Variants in DTWD2 observed in about 807,000 individuals in gnomAD.
DTWD2 encodes tRNA-uridine aminocarboxypropyltransferase 2.
DTWD2 carries 39 observed loss-of-function variants against 31.8 expected under a neutral mutation model. The ratio of observed to expected loss-of-function variants is 1.22; its 90% CI spans 0.95 to 1.60. The LOEUF (loss-of-function observed/expected upper bound fraction) is 1.60, where lower values mean the gene tolerates loss of function less well. Ranked by LOEUF, DTWD2 falls within the 40% of genes most tolerant of loss-of-function variation. The pLI is 0.00. For synonymous variants in DTWD2, 180 were observed against 142.8 expected, an observed-to-expected ratio of 1.26 and a Z score of -1.86; for missense variants, 515 against 381.5, an observed-to-expected ratio of 1.35 and a Z score of -2.92.
chr5:118,937,339 T>C (rs1754065184), intron 3 of DTWD2, among the ~76,000 whole-genome samples: 1 of 149,106 alleles, frequency 6.7e-6, no homozygotes, highest in East Asian at 2.0e-4. Flanking sequence ...ATGTATTGTA[T>C]ACTTGAAAAC....
Position 118,836,290 on chromosome 5 carries a change from G to C in DTWD2, c.*4627C>G, listed in dbSNP as rs1052073448. Reference sequence around the variant, plus strand: ...CTGTCTCACTCTGTCGCCCAGGCTAGAGTGCAGTGGTACATCTCAGCTCAC... The same window carrying C: ...CTGTCTCACTCTGTCGCCCAGGCTACAGTGCAGTGGTACATCTCAGCTCAC... On this transcript the variant is annotated 3_prime_UTR_variant, in exon 6 of 6. Coordinates refer to ENST00000510708, the MANE Select transcript of DTWD2 (RefSeq NM_173666.4). 3.3e-5 allele frequency among the ~76,000 whole-genome samples: 5 copies of C among 152,018 alleles called. No homozygotes were observed. The highest frequency in any genetic ancestry group is 9.7e-5 in the African/African-American group (4 of 41,376).
chr5:118,856,584 G>C (rs145110993), intron 4 of DTWD2, among the ~76,000 whole-genome samples: 19 of 152,164 alleles, frequency 1.2e-4, no homozygotes, highest in African/African-American at 4.3e-4. Context: ...TTCCAAAGTA[G>C]TTACATTATA....
chr5:118,945,377 C>G (rs1258328918), intron 1 of DTWD2, among the ~76,000 whole-genome samples: 2 of 152,136 alleles, frequency 1.3e-5, no homozygotes, highest in African/African-American at 4.8e-5. Context: ...TAGGGGCAAC[C>G]AATGACTGGT....
rs1238806158 is a variant in DTWD2, at chr5:118,841,037, A to G, written c.777T>C (p.Gly259=). ...GTTCCTTGCTGAGGCGAATTTGGGC[A>G]CCATGCTGAAGTTGAAAGGAGCATA... The part of the protein sequence containing the change: ...QALCSFQLQH[G]AQIRLSKEHL... The change falls in exon 6 of 6, where the codon GGT becomes GGC. Residue 259 remains glycine, a synonymous_variant. Coordinates refer to ENST00000510708, the MANE Select transcript of DTWD2 (RefSeq NM_173666.4). The G allele has an allele frequency of 6.2e-7, 1 of 1,613,586 alleles. No individual in the cohort carries two copies. The highest frequency in any genetic ancestry group is 1.1e-5 in the South Asian group (1 of 91,024).
chr5:118,847,739 G>A (rs1156590228), intron 5 of DTWD2, among the ~76,000 whole-genome samples: 3 of 151,534 alleles, frequency 2.0e-5, no homozygotes, highest in African/African-American at 4.8e-5. Flanking sequence ...CCAAAAAGAA[G>A]AAAAGGCTGA....
At chr5:118,860,470 T>C (rs116066658) in intron 4 of DTWD2, among the ~76,000 whole-genome samples, 4,267 of 152,198 alleles carry the variant, frequency 0.028, 102 homozygotes, top group Non-Finnish European at 0.047. Context: ...GGGTTGTTTT[T>C]CTAGTCATTT....
chr5:118,848,454 C>A (rs1433666461), intron 4 of DTWD2, among the ~76,000 whole-genome samples: 1 of 152,032 alleles, frequency 6.6e-6, no homozygotes, highest in Non-Finnish European at 1.5e-5. Flanking sequence ...GACTAATAAT[C>A]CCCTTGCAGT....
At chr5:118,900,517 A>T (rs1753181162) in intron 4 of DTWD2, among the ~76,000 whole-genome samples, 1 of 152,232 alleles carries the variant, frequency 6.6e-6, no homozygotes, top group South Asian at 2.1e-4. Flanking sequence ...ATAGAAAAAA[A>T]TGTATCTAAA....
At chr5:118,851,218 C>CAAAAAAAAAAAAAA (rs35541408) in intron 4 of DTWD2, among the ~76,000 whole-genome samples, 1 of 81,968 alleles carries the variant, frequency 1.2e-5, no homozygotes, top group Non-Finnish European at 2.4e-5. Flanking sequence ...GACCCTATCT[C>CAAAAAAAAAAAAAA]AAAAAAAAAA....
chr5:118,948,866 A>G (rs112657238), intron 1 of DTWD2, among the ~76,000 whole-genome samples: 13 of 152,296 alleles, frequency 8.5e-5, no homozygotes, highest in African/African-American at 1.9e-4. Flanking sequence ...GTGAGTTTAT[A>G]TAACGGTTTA....
At chr5:118,946,642 G>A (rs1292337644) in intron 1 of DTWD2, among the ~76,000 whole-genome samples, 1 of 152,084 alleles carries the variant, frequency 6.6e-6, no homozygotes, top group Non-Finnish European at 1.5e-5. Flanking sequence ...TCAATGTGGC[G>A]GGTGGGGTAG....
At chr5:118,903,612 A>C (rs991738713) in intron 4 of DTWD2, among the ~76,000 whole-genome samples, 1 of 152,010 alleles carries the variant, frequency 6.6e-6, no homozygotes, top group African/African-American at 2.4e-5. Context: ...GGATCTCTAA[A>C]TCTCTAGCTA....
At chr5:118,976,123 A>G (rs1196986166) in intron 1 of DTWD2, among the ~76,000 whole-genome samples, 3 of 152,226 alleles carry the variant, frequency 2.0e-5, no homozygotes, top group East Asian at 1.9e-4. Flanking sequence ...GCAGAAATAA[A>G]TAAGTTCTCT....
At chr5:118,979,154 A>C (rs1290886147) in intron 1 of DTWD2, among the ~76,000 whole-genome samples, 1 of 151,976 alleles carries the variant, frequency 6.6e-6, no homozygotes, top group Non-Finnish European at 1.5e-5. Context: ...AATACAAAAA[A>C]TTAGCCAGGC....
chr5:118,936,413 T>C (rs1327357011), intron 3 of DTWD2, among the ~76,000 whole-genome samples: 1 of 151,662 alleles, frequency 6.6e-6, no homozygotes, highest in African/African-American at 2.4e-5. Flanking sequence ...AGTTCAAGGC[T>C]ACAGTGAGCT....
chr5:118,875,784 G>A (rs1175314017), intron 4 of DTWD2, among the ~76,000 whole-genome samples: 4 of 151,922 alleles, frequency 2.6e-5, no homozygotes, highest in Admixed American at 6.6e-5. Flanking sequence ...AACACCCCAC[G>A]GACAATCTTA....
chr5:118,974,174 A>G (rs953683896), intron 1 of DTWD2: 6 of 1,465,554 alleles, frequency 4.1e-6, no homozygotes, highest in Non-Finnish European at 5.6e-6. Flanking sequence ...GCCTTGACCT[A>G]TTCACCCTCC....
intron 4 of DTWD2, among the ~76,000 whole-genome samples, chr5:118,928,242 C>T (rs1753848975): frequency 6.6e-6 from 1 of 151,952 alleles, no homozygotes. Flanking sequence ...AATCCTTAGA[C>T]TTCTCTGATT....
intron 4 of DTWD2, among the ~76,000 whole-genome samples, chr5:118,909,927 G>A (rs748885720): frequency 6.6e-6 from 1 of 152,102 alleles, no homozygotes; most frequent in Non-Finnish European, 1.5e-5. Flanking sequence ...CTCTCCTCCT[G>A]CACATAAGAT....
Sources: gnomAD v4.1 joint callset for allele counts (sites outside exome capture counted in the v4.1 genomes callset) on GRCh38, gnomAD v4.1.1 for gene constraint, MANE v1.5 for transcripts, NCBI Gene and HGNC (gene_info 2026-07-23, HGNC 2026-07-21) for gene names.